The following FANCI variants were observed in gnomAD, a reference collection of about 807,000 sequenced individuals.
FANCI encodes the protein FA complementation group I.
Under a neutral mutation model 176.1 loss-of-function variants are expected in FANCI, and 156 were observed. The observed-to-expected ratio is 0.89, with a 90% CI of 0.78 to 1.01. The LOEUF is 1.01. Among genes scored for constraint, FANCI ranks in the 50% least tolerant of loss-of-function variants. The pLI, the probability that FANCI is intolerant of heterozygous loss-of-function variation, is 0.00. For synonymous variants in FANCI, 613 were observed against 541.7 expected (o/e 1.13, Z -1.83); for missense variants, 1,678 against 1,534.1 (o/e 1.09, Z -1.57).
chr15:89,261,822 T>A lies in FANCI; in HGVS notation c.447T>A (p.Gly149=). 1 of 1,614,082 alleles carries A rather than the reference T, an allele frequency of 6.2e-7. No homozygotes were observed. Among genetic ancestry groups the A allele is most frequent in the Non-Finnish European group, 8.5e-7 (1 of 1,179,988 alleles). Residue 149 remains glycine, a splice_region_variant and synonymous_variant, in exon 6 of 38, where the codon GGT becomes GGA. Transcript: ENST00000310775. ...TKKENLAYGK[G]VLSGEECKKQ... is the part of the protein sequence containing the mutation. ...GCTCAGTATATTTTGCATTTCTAGG[T>A]GTACTGAGTGGGGAAGAATGTAAGA...
chr15:89,294,616 A>G (rs919852321), intron 23 of FANCI, among the ~76,000 whole-genome samples: 1 of 145,670 alleles, frequency 6.9e-6, no homozygotes, highest in Non-Finnish European at 1.5e-5. Flanking sequence ...GGGTGACTGA[A>G]TTAAAAATAC....
At position 89,281,254 on chromosome 15, in the gene FANCI, C is replaced by G. The variant is rs2053603549; in HGVS notation, c.1466C>G (p.Ser489Cys). 1 of 1,613,740 alleles carries G rather than the reference C, an allele frequency of 6.2e-7. No individual in the cohort carries two copies. Among genetic ancestry groups the G allele is most frequent in the Non-Finnish European group, 8.5e-7 (1 of 1,179,856 alleles). The change falls in exon 15 of 38, where the codon TCC (serine) becomes TGC (cysteine). Residue 489 changes from serine (S) to cysteine (C), a missense_variant. By Grantham distance (112) the Ser-to-Cys change is moderately radical. Coordinates refer to ENST00000310775, the MANE Select transcript of FANCI (RefSeq NM_001113378.2). The stretch of plus-strand genomic sequence containing the variant: ...GTCACAGAAGCTTTTGACTATTTGT[C>G]CTTTCTGCCCCTTCAGACTGTACAA... ...SKVTEAFDYL[S>C]FLPLQTVQRL...
At chr15:89,274,939 A>C (rs1372197562) in intron 12 of FANCI, among the ~76,000 whole-genome samples, 1 of 151,888 alleles carries the variant, frequency 6.6e-6, no homozygotes, top group Admixed American at 6.6e-5. Flanking sequence ...CAGTCTCACT[A>C]TGTTGCCCAG....
Position 89,299,968 on chromosome 15 carries a change from T to C in FANCI, c.2803+2T>C, listed in dbSNP as rs762992565. On this transcript the variant is annotated splice_donor_variant, in intron 25 of 37. Coordinates refer to ENST00000310775, the MANE Select transcript of FANCI (RefSeq NM_001113378.2). LOFTEE classifies it high-confidence loss of function. ...TTCAGCAGTTTCTCAGAGCTCTGGG[T>C]AAGCATTGCAGTATCAATAAATAGG... is the stretch of plus-strand genomic sequence containing the variant. 2 of 1,613,988 alleles carry C rather than the reference T, an allele frequency of 1.2e-6. No homozygotes were observed. The highest frequency in any genetic ancestry group is 1.7e-6 in the Non-Finnish European group (2 of 1,179,922).
intron 2 of FANCI, among the ~76,000 whole-genome samples, chr15:89,258,034 A>G (rs1258448746): frequency 1.3e-5 from 2 of 150,508 alleles, no homozygotes; most frequent in Admixed American, 6.6e-5. Flanking sequence ...CTCATCTTCT[A>G]CTACTCTTTT....
intron 3 of FANCI, among the ~76,000 whole-genome samples, chr15:89,260,368 T>A (rs770844476): frequency 5.9e-5 from 9 of 152,212 alleles, no homozygotes; most frequent in Non-Finnish European, 1.0e-4. Context: ...GCTTGCTAAA[T>A]GTTTTGATTT....
rs149008055 is a variant in FANCI at position 89,274,303 on chromosome 15, A to G, written c.1111A>G (p.Ser371Gly). ...STMILEVVKNSVHSWDHVTQG... is the reference protein window; with the variant it reads ...STMILEVVKNGVHSWDHVTQG... ...CATGATCTTGGAAGTAGTGAAGAATAGGTAAGTTGGTGAACCATATCTCAA... is the reference window on the plus strand; with the variant it reads ...CATGATCTTGGAAGTAGTGAAGAATGGGTAAGTTGGTGAACCATATCTCAA... Residue 371 changes from serine to glycine, a missense_variant and splice_region_variant, in exon 12 of 38, where the codon AGC (serine) becomes GGC (glycine). Ser to Gly is a moderately conservative substitution (Grantham distance 56). This residue lies in a region of FANCI where 469 missense variants were observed against 436.9 expected (regional missense o/e 1.07). Transcript: ENST00000310775. 1.4e-4 allele frequency: 222 copies of G among 1,613,476 alleles called. No individual in the cohort carries two copies. The East Asian group carries it at 4.8e-3, about 35-fold the overall frequency.
chr15:89,285,989 T>G (rs2053800315), intron 18 of FANCI, among the ~76,000 whole-genome samples: 2 of 151,800 alleles, frequency 1.3e-5, no homozygotes, highest in South Asian at 4.2e-4. Flanking sequence ...AAACTTAGTT[T>G]TTTTTTTTCT....
At position 89,283,207 on chromosome 15, in the gene FANCI, G is replaced by A. The variant is rs1470686039; in HGVS notation, c.1655G>A (p.Ser552Asn). The A allele has an allele frequency of 2.5e-6, 4 of 1,614,064 alleles. No homozygotes were observed. In the South Asian group the frequency reaches 3.3e-5, roughly 13 times the overall value. Residue 552 changes from serine to asparagine, a missense_variant, in exon 17 of 38, where the codon AGC becomes AAC. Physicochemically the swap from Ser to Asn is conservative, Grantham distance 46 (BLOSUM62 1). This residue lies in a region of FANCI where 1,204 missense variants were observed against 1,077.4 expected (regional missense o/e 1.12). Transcript: ENST00000310775. The part of the protein sequence containing the change: ...LLLKNFKVLG[S>N]LSSSQCSQSL... ...CTGAAGAACTTTAAAGTTTTAGGCA[G>A]CCTGTCATCCTCTCAGTGCAGTCAG... is the stretch of plus-strand genomic sequence containing the variant.
chr15:89,311,964 C>G (rs1385302108), intron 34 of FANCI, among the ~76,000 whole-genome samples: 1 of 152,172 alleles, frequency 6.6e-6, no homozygotes, highest in African/African-American at 2.4e-5. Flanking sequence ...GAATCTTACA[C>G]TTTTTGGTTC....
At chr15:89,309,853 G>A (rs943317012) in intron 34 of FANCI, among the ~76,000 whole-genome samples, 3 of 152,176 alleles carry the variant, frequency 2.0e-5, no homozygotes, top group Admixed American at 6.5e-5. Flanking sequence ...TACAGTTTGG[G>A]AAATACTGCT....
At chr15:89,313,891 G>T (rs562109651) in intron 35 of FANCI, among the ~76,000 whole-genome samples, 1 of 134,274 alleles carries the variant, frequency 7.4e-6, no homozygotes, top group East Asian at 2.3e-4. Context: ...TATCCTCATG[G>T]GTTAAAAATA....
intron 34 of FANCI, among the ~76,000 whole-genome samples, chr15:89,311,870 C>T (rs2054977784): frequency 6.6e-6 from 1 of 152,186 alleles, no homozygotes. Flanking sequence ...AAGCTGCCTA[C>T]ATTTCTGTAC....
intron 2 of FANCI, among the ~76,000 whole-genome samples, chr15:89,256,799 T>C (rs2052513573): frequency 6.6e-6 from 1 of 152,208 alleles, no homozygotes; most frequent in African/African-American, 2.4e-5. Context: ...TCAGGGTGAT[T>C]TAGATGCTTC....
At chr15:89,289,024 T>A (rs1442617217) in intron 18 of FANCI, among the ~76,000 whole-genome samples, 3 of 152,008 alleles carry the variant, frequency 2.0e-5, no homozygotes, top group African/African-American at 2.4e-5. Context: ...TTTTTTTTTT[T>A]ATGCATTTGT....
chr15:89,294,047 T>C (rs1567165835), intron 23 of FANCI, 50 bp downstream of exon 23: 3 of 1,590,012 alleles, frequency 1.9e-6, no homozygotes, highest in Middle Eastern at 1.7e-4. Flanking sequence ...GAGGATCGTA[T>C]ACCTACCTAG....
Position 89,305,206 on chromosome 15 carries a change from C to T in FANCI, c.3150C>T (p.Ser1050=), listed in dbSNP as rs960268809. 15 of 1,614,014 alleles carry T rather than the reference C, an allele frequency of 9.3e-6. No individual in the cohort carries two copies. The highest frequency in any genetic ancestry group is 5.3e-5 in the African/African-American group (4 of 74,882). The change falls in exon 29 of 38, where the codon TCC becomes TCT. Residue 1050 remains serine (S), a synonymous_variant. Transcript: ENST00000310775. ...CTGTCATTCTGCTGCGTGACTTGTC[C>T]CAGGATATCCACGGGCATCTGGGAG... ...KSPVILLRDL[S]QDIHGHLGDI... is the part of the protein sequence containing the mutation.
intron 10 of FANCI, among the ~76,000 whole-genome samples, chr15:89,270,255 G>C (rs1174409394): frequency 6.6e-6 from 1 of 152,210 alleles, no homozygotes; most frequent in African/African-American, 2.4e-5. Flanking sequence ...ATTACATCAG[G>C]AGGAACATAG....
intron 23 of FANCI, 79 bp downstream of exon 23, chr15:89,294,076 G>T (rs933896570): frequency 6.8e-7 from 1 of 1,470,464 alleles, no homozygotes; most frequent in Admixed American, 1.7e-5. Context: ...GTTTCACCTC[G>T]TTTGGATTGT....
Sources: allele counts gnomAD v4.1 joint callset (sites outside exome capture counted in the v4.1 genomes callset), GRCh38; gene constraint gnomAD v4.1.1; regional missense constraint gnomAD v4.1.1; transcripts MANE v1.5; gene names NCBI Gene and HGNC (gene_info 2026-07-23, HGNC 2026-07-21).